PLSCR4: variants seen among roughly 807,000 people sequenced by gnomAD.
PLSCR4 encodes phospholipid scramblase 4.
PLSCR4 carries 25 observed loss-of-function variants against 36.3 expected under a neutral mutation model. The observed-to-expected ratio is 0.69, with a 90% CI of 0.50 to 0.96. PLSCR4 has a LOEUF of 0.96. PLSCR4 is among the 40% of genes least tolerant of loss of function. The probability of loss-of-function intolerance (pLI) is 0.00; values close to 1 mark genes in which losing one functional copy is unlikely to be tolerated. For synonymous variants in PLSCR4, 122 were observed against 132.9 expected, an observed-to-expected ratio of 0.92 and a Z score of 0.56; for missense variants, 408 against 414.7, an observed-to-expected ratio of 0.98 and a Z score of 0.14.
At chr3:146,228,128 C>T (rs925132168) in intron 1 of PLSCR4, among the ~76,000 whole-genome samples, 1 of 152,070 alleles carries the variant, frequency 6.6e-6, no homozygotes, top group African/African-American at 2.4e-5. Flanking sequence ...CTGGATCAAC[C>T]TCATAGAAAT....
Position 146,199,911 on chromosome 3 carries a change from G to A in PLSCR4, c.526C>T (p.Leu176Phe). 6.2e-7 allele frequency: 1 copy of A among 1,613,602 alleles called. No homozygotes were observed. The highest frequency in any genetic ancestry group is 1.1e-5 in the South Asian group (1 of 91,068). The change falls in exon 6 of 9, where the codon CTC becomes TTC. Residue 176 changes from leucine (L) to phenylalanine (F), a missense_variant. Transcript: ENST00000354952. ...NAYRTLRPFV[L>F]RVTDCMGREI... ...CGGCCCATACAATCAGTGACCCGGA[G>A]GACGAAGGGCCTTAGTGTCCGATAG...
intron 7 of PLSCR4, 161 bp downstream of exon 7, chr3:146,196,471 C>A (rs989753395): frequency 1.5e-6 from 1 of 668,760 alleles, no homozygotes; most frequent in Non-Finnish European, 2.5e-6. Flanking sequence ...AATCTACTCA[C>A]AATAACTTTA....
chr3:146,220,015 T>C (rs1246586360), intron 3 of PLSCR4, among the ~76,000 whole-genome samples: 1 of 152,156 alleles, frequency 6.6e-6, no homozygotes, highest in Non-Finnish European at 1.5e-5. Context: ...CTTCAGAGCA[T>C]AACACAATGG....
chr3:146,225,786 G>A (rs867534131), intron 1 of PLSCR4, among the ~76,000 whole-genome samples: 6 of 152,156 alleles, frequency 3.9e-5, no homozygotes, highest in African/African-American at 4.8e-5. Flanking sequence ...AGCGCCGCAC[G>A]CGGTTGCCGC....
intron 1 of PLSCR4, among the ~76,000 whole-genome samples, chr3:146,223,160 T>C (rs2035250887): frequency 6.6e-6 from 1 of 152,102 alleles, no homozygotes; most frequent in African/African-American, 2.4e-5. Context: ...ATGGGAACAT[T>C]ATGAGAATAA....
Position 146,194,055 on chromosome 3 carries a change from C to A in PLSCR4, c.*356G>T. ...TAGAAGCCAGGTTATTTTATGCCAA[C>A]AAAGTCTGCTCTAAAAAGCCTTATT... On this transcript the variant is annotated 3_prime_UTR_variant, in exon 9 of 9. Coordinates refer to ENST00000354952, the MANE Select transcript of PLSCR4 (RefSeq NM_020353.3). The A allele has an allele frequency of 5.7e-6, 1 of 176,368 alleles. No homozygotes were observed. The highest frequency in any genetic ancestry group is 1.2e-5 in the Non-Finnish European group (1 of 84,516). 10.9% of individuals were successfully genotyped at this position (176,368 alleles called of 1,614,324 possible).
chr3:146,240,671 A>G (rs1469674035), intron 1 of PLSCR4, among the ~76,000 whole-genome samples: 1 of 151,684 alleles, frequency 6.6e-6, no homozygotes, highest in Non-Finnish European at 1.5e-5. Context: ...AATAAAAAAT[A>G]TAACAACACG....
intron 4 of PLSCR4, among the ~76,000 whole-genome samples, chr3:146,205,444 C>T (rs942965472): frequency 6.6e-6 from 1 of 151,846 alleles, no homozygotes; most frequent in Non-Finnish European, 1.5e-5. Context: ...AAAGGAAGAC[C>T]TTATGGCCTC....
chr3:146,224,080 G>T (rs1438124942), intron 1 of PLSCR4, among the ~76,000 whole-genome samples: 1 of 151,756 alleles, frequency 6.6e-6, no homozygotes, highest in Non-Finnish European at 1.5e-5. Flanking sequence ...TGTTGTTAAG[G>T]AAAATGACTA....
At chr3:146,210,341 G>C (rs759597495) in intron 3 of PLSCR4, among the ~76,000 whole-genome samples, 1 of 152,040 alleles carries the variant, frequency 6.6e-6, no homozygotes, top group Non-Finnish European at 1.5e-5. Flanking sequence ...TACCAGCTAA[G>C]ACTTGAACTG....
rs1259725364 is a variant in PLSCR4 at position 146,193,743 on chromosome 3, A to T, written c.*668T>A. 6.6e-6 allele frequency: 1 copy of T among 152,224 alleles called. No individual in the cohort carries two copies. Among genetic ancestry groups the T allele is most frequent in the African/African-American group, 2.4e-5 (1 of 41,464 alleles). 9.4% of individuals were successfully genotyped at this position (152,224 alleles called of 1,614,324 possible). A position where few individuals can be genotyped will look rare whatever the true frequency, so the allele number is the denominator to read the frequency against. On this transcript the variant is annotated 3_prime_UTR_variant, in exon 9 of 9. Coordinates refer to ENST00000354952, the MANE Select transcript of PLSCR4 (RefSeq NM_020353.3). Reference sequence around the variant, plus strand: ...TGCCTTCATATATAGGCAGCTCCTGATCATCCATGCCAGTGAATGAGAAAA... The same window carrying T: ...TGCCTTCATATATAGGCAGCTCCTGTTCATCCATGCCAGTGAATGAGAAAA...
intron 1 of PLSCR4, among the ~76,000 whole-genome samples, chr3:146,228,977 T>C (rs886794316): frequency 3.3e-5 from 5 of 152,212 alleles, no homozygotes; most frequent in African/African-American, 7.2e-5. Context: ...TAAGAAAATG[T>C]ATACACCTTG....
At chr3:146,215,772 A>G (rs894881646) in intron 3 of PLSCR4, among the ~76,000 whole-genome samples, 4 of 152,206 alleles carry the variant, frequency 2.6e-5, no homozygotes, top group Admixed American at 2.6e-4. Context: ...TAGAAGCCCA[A>G]TTTGGGCTGT....
intron 1 of PLSCR4, among the ~76,000 whole-genome samples, chr3:146,224,704 T>G (rs1390834994): frequency 6.6e-6 from 1 of 152,032 alleles, no homozygotes; most frequent in Non-Finnish European, 1.5e-5. Context: ...CAATGCTGGC[T>G]CGGGCAGCCT....
intron 1 of PLSCR4, among the ~76,000 whole-genome samples, chr3:146,246,031 C>G (rs2036324204): frequency 6.6e-6 from 1 of 152,062 alleles, no homozygotes; most frequent in Non-Finnish European, 1.5e-5. Context: ...AGGATTCAGT[C>G]ATTTCTGTAG....
chr3:146,195,021 A>AT, intron 8 of PLSCR4, 103 bp downstream of exon 8: 1 of 938,018 alleles, frequency 1.1e-6, no homozygotes, highest in Non-Finnish European at 1.6e-6. Context: ...TGGCACAGAG[A>AT]TAAGTTGGAT....
rs62272410 is a variant in PLSCR4 at position 146,229,600 on chromosome 3, T to C, written c.-21-7508A>G. The stretch of plus-strand genomic sequence containing the variant: ...TTTATCATTTTATTTTTCATTTATT[T>C]ATTTATTTATTTATTTATTTATTTA... On this transcript the variant is annotated intron_variant, in intron 1 of 8. Transcript: ENST00000354952. Among the ~76,000 whole-genome samples, 952 of 102,918 alleles carry C rather than the reference T, an allele frequency of 9.3e-3. 12 individuals carry two copies. Among genetic ancestry groups the C allele is most frequent in the African/African-American group, 0.029 (552 of 19,090 alleles). The allele number at this position is 102,918 out of a possible 152,430, so 67.5% of individuals were successfully genotyped here. A position where few individuals can be genotyped will look rare whatever the true frequency, so the allele number is the denominator to read the frequency against.
At chr3:146,209,403 C>A (rs1192361806) in intron 3 of PLSCR4, among the ~76,000 whole-genome samples, 1 of 151,912 alleles carries the variant, frequency 6.6e-6, no homozygotes, top group Non-Finnish European at 1.5e-5. Context: ...ACCTGTTCCC[C>A]AAAATCCTAT....
At chr3:146,238,820 G>T (rs1178559868) in intron 1 of PLSCR4, among the ~76,000 whole-genome samples, 1 of 151,972 alleles carries the variant, frequency 6.6e-6, no homozygotes, top group Non-Finnish European at 1.5e-5. Context: ...AAGAAATAAA[G>T]CCATCTGAAA....
Sources: gnomAD v4.1 joint callset for allele counts (sites outside exome capture counted in the v4.1 genomes callset) on GRCh38, gnomAD v4.1.1 for gene constraint, MANE v1.5 for transcripts, NCBI Gene and HGNC (gene_info 2026-07-23, HGNC 2026-07-21) for gene names.